Variants in ATL2 observed in about 807,000 individuals in gnomAD.
The protein encoded by ATL2 is atlastin-2.
Under a neutral mutation model 73.9 loss-of-function variants are expected in ATL2, and 31 were observed. That is an observed-to-expected ratio of 0.42 (90% CI 0.32 to 0.57). The LOEUF is 0.57. ATL2 is among the 20% of genes least tolerant of loss of function. The probability of loss-of-function intolerance (pLI) is 0.14; values close to 1 mark genes in which losing one functional copy is unlikely to be tolerated. For missense variants in ATL2, 738 were observed against 702.6 expected, an observed-to-expected ratio of 1.05 and a Z score of -0.57; for synonymous variants, 291 against 237.5, an observed-to-expected ratio of 1.23 and a Z score of -2.07.
chr2:38,310,091 C>A (rs1475111652), intron 8 of ATL2, among the ~76,000 whole-genome samples: 1 of 152,136 alleles, frequency 6.6e-6, no homozygotes, highest in East Asian at 1.9e-4. Flanking sequence ...TGCTGAGCAA[C>A]AGACATTATA....
chr2:38,305,368 T>C (rs1161888214), intron 9 of ATL2, among the ~76,000 whole-genome samples: 5 of 152,050 alleles, frequency 3.3e-5, no homozygotes, highest in African/African-American at 4.8e-5. Context: ...GCCAACATGG[T>C]GAAACCCCAT....
chr2:38,366,007 CCTA>C (rs1395972307), intron 1 of ATL2, among the ~76,000 whole-genome samples: 5 of 151,538 alleles, frequency 3.3e-5, no homozygotes, highest in Admixed American at 2.0e-4. Context: ...AGACAAAATT[CCTA>C]CTACAAGAGC....
intron 1 of ATL2, among the ~76,000 whole-genome samples, chr2:38,344,219 A>C (rs1192368173): frequency 6.6e-6 from 1 of 152,206 alleles, no homozygotes; most frequent in African/African-American, 2.4e-5. Flanking sequence ...AGAGGGGAAA[A>C]ATCAATTTCA....
At chr2:38,370,342 G>C (rs1467706405) in intron 1 of ATL2, among the ~76,000 whole-genome samples, 2 of 150,158 alleles carry the variant, frequency 1.3e-5, no homozygotes, top group South Asian at 2.1e-4. Flanking sequence ...TCAGCTGCTC[G>C]GGAGGCTAAG....
intron 2 of ATL2, among the ~76,000 whole-genome samples, chr2:38,327,059 AAG>A (rs1184967746): frequency 1.4e-5 from 2 of 146,194 alleles, no homozygotes; most frequent in African/African-American, 5.6e-5. Context: ...AGCTGGAAAA[AAG>A]AAAAAAAAAC....
chr2:38,375,805 G>A (rs1671927698), intron 1 of ATL2, among the ~76,000 whole-genome samples: 7 of 152,180 alleles, frequency 4.6e-5, no homozygotes, highest in Admixed American at 4.6e-4. Context: ...ATTCTACAGA[G>A]TGCTACCACT....
rs140289245 is a variant in ATL2, at chr2:38,329,718, T to C, written c.364-10699A>G. Among the ~76,000 whole-genome samples the C allele has an allele frequency of 2.3e-3, 353 of 152,106 alleles. 4 individuals are homozygous for C. The highest frequency in any genetic ancestry group is 7.8e-3 in the African/African-American group (322 of 41,500). On this transcript the variant is annotated intron_variant, in intron 2 of 12. Coordinates refer to ENST00000378954, the MANE Select transcript of ATL2 (RefSeq NM_001135673.4). ...CTTGACAAAATATTAGCAAATCAAA[T>C]CTAACAATGTACAAAAAGAATTACA... is the stretch of plus-strand genomic sequence containing the variant.
intron 1 of ATL2, among the ~76,000 whole-genome samples, chr2:38,372,446 A>C (rs1671744377): frequency 6.6e-6 from 1 of 152,158 alleles, no homozygotes; most frequent in East Asian, 1.9e-4. Context: ...TGTTCCAGGG[A>C]CTGGAACATC....
At position 38,370,502 on chromosome 2, in the gene ATL2, G is replaced by C. The variant is rs561422985; in HGVS notation, c.118+6641C>G. Reference sequence around the variant, plus strand: ...AAAAAATCAACCCAGCCAGCACAGTGGCTCATGCCTGTAATCCCAGCACTT... The same window carrying C: ...AAAAAATCAACCCAGCCAGCACAGTCGCTCATGCCTGTAATCCCAGCACTT... On this transcript the variant is annotated intron_variant, in intron 1 of 12. Transcript: ENST00000378954. Among the ~76,000 whole-genome samples the C allele has an allele frequency of 2.5e-4, 36 of 145,564 alleles. 1 individual carries two copies. The South Asian group carries it at 6.6e-3, about 26-fold the overall frequency.
chr2:38,351,698 G>C (rs1332703654), intron 1 of ATL2, among the ~76,000 whole-genome samples: 2 of 151,974 alleles, frequency 1.3e-5, no homozygotes, highest in Admixed American at 6.6e-5. Flanking sequence ...GTTTCACCTT[G>C]ATCAGGCTGG....
intron 1 of ATL2, among the ~76,000 whole-genome samples, chr2:38,365,814 G>A (rs1364252074): frequency 6.6e-6 from 1 of 151,768 alleles, no homozygotes; most frequent in Non-Finnish European, 1.5e-5. Flanking sequence ...AGGTGTGGTG[G>A]TGTGTACCTA....
At chr2:38,342,680 C>A (rs1163379533) in intron 2 of ATL2, among the ~76,000 whole-genome samples, 1 of 151,944 alleles carries the variant, frequency 6.6e-6, no homozygotes, top group Non-Finnish European at 1.5e-5. Context: ...GTAAAGGTGG[C>A]CAAAAGGAAA....
At position 38,296,711 on chromosome 2, in the gene ATL2, A is replaced by C; in HGVS notation, c.1633-598T>G. ...CTTCCTGGGACTCCTCTGAAGCAAA[A>C]GAAAAGAGAAATGCAAAGAAATTTA... On this transcript the variant is annotated intron_variant, in intron 12 of 12. Transcript: ENST00000378954. 5 of 1,552,922 alleles carry C rather than the reference A, an allele frequency of 3.2e-6. No homozygotes were observed. The South Asian group carries it at 5.9e-5, about 18-fold the overall frequency.
rs1406950512 is a variant in ATL2 at position 38,295,296 on chromosome 2, G to T, written c.*698C>A. The T allele has an allele frequency of 6.6e-6, 1 of 152,150 alleles. No homozygotes were observed. Among genetic ancestry groups the T allele is most frequent in the African/African-American group, 2.4e-5 (1 of 41,408 alleles). 9.4% of individuals were successfully genotyped at this position (152,150 alleles called of 1,614,324 possible). Reference sequence around the variant, plus strand: ...TAGCTGTAGGCAACATTTTTGGATGGAATTTCTTCCCCAATAAAATTAATG... The same window carrying T: ...TAGCTGTAGGCAACATTTTTGGATGTAATTTCTTCCCCAATAAAATTAATG... On this transcript the variant is annotated 3_prime_UTR_variant, in exon 13 of 13. Transcript: ENST00000378954.
intron 1 of ATL2, among the ~76,000 whole-genome samples, chr2:38,364,107 C>G (rs1039318212): frequency 1.3e-5 from 2 of 151,980 alleles, no homozygotes; most frequent in African/African-American, 4.8e-5. Context: ...ACTAAAAATA[C>G]AAAAATTACC....
intron 1 of ATL2, among the ~76,000 whole-genome samples, chr2:38,348,663 T>C (rs1250915629): frequency 2.0e-5 from 3 of 148,654 alleles, no homozygotes; most frequent in Admixed American, 6.7e-5. Flanking sequence ...AAAGCCAAAA[T>C]TGACAAATGG....
chr2:38,327,367 A>G (rs1385438372), intron 2 of ATL2, among the ~76,000 whole-genome samples: 1 of 152,178 alleles, frequency 6.6e-6, no homozygotes, highest in African/African-American at 2.4e-5. Flanking sequence ...AAGCAGTATA[A>G]TATCTGAAAG....
At chr2:38,299,463 A>G in intron 10 of ATL2, 136 bp from the exon 11 acceptor site, 1 of 869,206 alleles carries the variant, frequency 1.2e-6, no homozygotes, top group Non-Finnish European at 1.6e-6. Context: ...TTTCTTTCCT[A>G]TGCAAGGGAA....
chr2:38,370,448 CAAAAAAAAAAAAAAAA>C (rs55964015), intron 1 of ATL2, among the ~76,000 whole-genome samples: 10,800 of 55,760 alleles, frequency 0.19, 1,930 homozygotes, highest in African/African-American at 0.47. Flanking sequence ...GACTCTGTCC[CAAAAAAAAAAAAAAAA>C]AAAAAAAAAA....
Sources: allele counts gnomAD v4.1 joint callset (sites outside exome capture counted in the v4.1 genomes callset), GRCh38; gene constraint gnomAD v4.1.1; transcripts MANE v1.5; gene names NCBI Gene and HGNC (gene_info 2026-07-23, HGNC 2026-07-21).